GRID1: variants seen among roughly 807,000 people sequenced by gnomAD.
The protein encoded by GRID1 is glutamate receptor ionotropic, delta-1.
A neutral mutation model predicts 98.0 loss-of-function variants in GRID1; 28 were observed. The ratio of observed to expected loss-of-function variants is 0.29; its 90% CI spans 0.21 to 0.39. The LOEUF is 0.39. Among genes scored for constraint, GRID1 ranks in the 10% least tolerant of loss-of-function variants. The pLI is 1.00. For missense variants in GRID1, 1,111 were observed against 1,340.5 expected (o/e 0.83, Z 2.67); for synonymous variants, 553 against 538.5 (o/e 1.03, Z -0.37).
chr10:86,248,563 CTTTTT>C (rs200060771), intron 2 of GRID1, among the ~76,000 whole-genome samples: 59 of 121,850 alleles, frequency 4.8e-4, no homozygotes, highest in African/African-American at 1.8e-3. Context: ...CATGACAATT[CTTTTT>C]TTTTTTTTTT....
In GRID1 at chr10:85,806,136, A is replaced by C. The variant is rs527667772; in HGVS notation, c.1233+48360T>G. ...CTCAATCAAAGAAGACAAGCAATCCAATGTTTTAAATGGGCAAAAGATTTG... is the reference window on the plus strand; with the variant it reads ...CTCAATCAAAGAAGACAAGCAATCCCATGTTTTAAATGGGCAAAAGATTTG... On this transcript the variant is annotated intron_variant, in intron 8 of 15. Coordinates refer to ENST00000327946, the MANE Select transcript of GRID1 (RefSeq NM_017551.3). Among the ~76,000 whole-genome samples, 7 of 152,222 alleles carry C rather than the reference A, an allele frequency of 4.6e-5. No homozygotes were observed. In the South Asian group the frequency reaches 1.5e-3, roughly 32 times the overall value.
chr10:86,231,244 G>A (rs1486332870), intron 2 of GRID1, among the ~76,000 whole-genome samples: 1 of 152,198 alleles, frequency 6.6e-6, no homozygotes, highest in Admixed American at 6.5e-5. Flanking sequence ...TAATCTGCTG[G>A]AAATCTGAAG....
At chr10:85,796,263 C>T (rs113646880) in intron 8 of GRID1, among the ~76,000 whole-genome samples, 5,719 of 152,238 alleles carry the variant, frequency 0.038, 129 homozygotes, top group Non-Finnish European at 0.047. Flanking sequence ...TTTTGAATTT[C>T]AAAATAATCA....
chr10:86,287,423 G>T (rs1418101355), intron 2 of GRID1, among the ~76,000 whole-genome samples: 2 of 152,206 alleles, frequency 1.3e-5, no homozygotes, highest in Admixed American at 1.3e-4. Flanking sequence ...AGCAGCTGCT[G>T]CTATTGTTTT....
At chr10:86,115,756 T>C (rs1163784023) in intron 4 of GRID1, among the ~76,000 whole-genome samples, 1 of 152,232 alleles carries the variant, frequency 6.6e-6, no homozygotes, top group Admixed American at 6.5e-5. Context: ...CCATCCCAGC[T>C]GCTCCTGGCA....
intron 3 of GRID1, among the ~76,000 whole-genome samples, chr10:86,191,902 C>G (rs1453910778): frequency 6.6e-6 from 1 of 152,156 alleles, no homozygotes; most frequent in East Asian, 1.9e-4. Context: ...GGCACCCCTG[C>G]TGATCCATCC....
chr10:85,853,324 AGG>A (rs1843077757), intron 8 of GRID1, among the ~76,000 whole-genome samples: 2 of 152,198 alleles, frequency 1.3e-5, no homozygotes, highest in Non-Finnish European at 2.9e-5. Context: ...ATCAGGCTAG[AGG>A]GCTCTTTGCT....
chr10:85,708,816 G>A (rs1181712894), intron 12 of GRID1: 2 of 156,342 alleles, frequency 1.3e-5, no homozygotes, highest in Non-Finnish European at 2.8e-5. Flanking sequence ...TATTTTGGAG[G>A]ATAGACTGTG....
chr10:86,331,652 G>T (rs1276451495), intron 2 of GRID1, among the ~76,000 whole-genome samples: 1 of 152,192 alleles, frequency 6.6e-6, no homozygotes, highest in African/African-American at 2.4e-5. Context: ...AAAGAGTTCA[G>T]ACTTTGGGGT....
At chr10:85,820,077 GGTAGGCAGGCAGGCAGGCAGGA>G (rs1842753474) in intron 8 of GRID1, among the ~76,000 whole-genome samples, 1 of 107,200 alleles carries the variant, frequency 9.3e-6, no homozygotes, top group Non-Finnish European at 1.9e-5. Context: ...CAGGAAGGCA[GGTAGGCAGGCAGGCAGGCAGGA>G]AGGAAGGGAG....
At chr10:85,905,357 A>G (rs977596104) in intron 5 of GRID1, among the ~76,000 whole-genome samples, 3 of 151,970 alleles carry the variant, frequency 2.0e-5, no homozygotes, top group Non-Finnish European at 4.4e-5. Flanking sequence ...CACCAGCAGA[A>G]CTGTACTATA....
intron 8 of GRID1, among the ~76,000 whole-genome samples, chr10:85,736,645 A>C (rs943479455): frequency 5.9e-5 from 9 of 152,146 alleles, no homozygotes; most frequent in African/African-American, 2.2e-4. Flanking sequence ...ACAATAAGTC[A>C]TCTACTAGGG....
At chr10:85,861,895 G>A (rs530213182) in intron 6 of GRID1, among the ~76,000 whole-genome samples, 1 of 152,316 alleles carries the variant, frequency 6.6e-6, no homozygotes, top group South Asian at 2.1e-4. Context: ...TGGAGTTCAG[G>A]TGCCCTTATT....
chr10:85,746,162 G>A (rs528313337), intron 8 of GRID1, among the ~76,000 whole-genome samples: 14 of 152,096 alleles, frequency 9.2e-5, no homozygotes, highest in South Asian at 4.2e-4. Flanking sequence ...ACCATACTTG[G>A]GGAGATGTAT....
intron 8 of GRID1, among the ~76,000 whole-genome samples, chr10:85,846,339 C>G (rs920082633): frequency 6.6e-6 from 1 of 152,076 alleles, no homozygotes; most frequent in African/African-American, 2.4e-5. Flanking sequence ...TTGAAATCAG[C>G]GTCACCAGGA....
chr10:86,054,669 C>T lies in GRID1; in HGVS notation c.726+84150G>A, dbSNP rs187801583. ...CTTAAGTGTAATAATAACATAATAG[C>T]AGCTATCTCTTAATGTGTTTTCACT... On this transcript the variant is annotated intron_variant, in intron 4 of 15. Coordinates refer to ENST00000327946, the MANE Select transcript of GRID1 (RefSeq NM_017551.3). Among the ~76,000 whole-genome samples, 4 of 152,326 alleles carry T rather than the reference C, an allele frequency of 2.6e-5. No individual in the cohort carries two copies. The East Asian group carries it at 7.7e-4, about 29-fold the overall frequency.
At chr10:86,250,634 C>T (rs1846808174) in intron 2 of GRID1, among the ~76,000 whole-genome samples, 1 of 151,370 alleles carries the variant, frequency 6.6e-6, no homozygotes, top group African/African-American at 2.4e-5. Context: ...GCTGCCCTGT[C>T]TGGGAGGTGG....
intron 4 of GRID1, among the ~76,000 whole-genome samples, chr10:86,106,559 G>A (rs1301030852): frequency 6.6e-6 from 1 of 151,974 alleles, no homozygotes; most frequent in African/African-American, 2.4e-5. Flanking sequence ...TTCAGGTGTG[G>A]GGATAGAGGG....
At chr10:86,217,253 G>A (rs982737273) in intron 2 of GRID1, among the ~76,000 whole-genome samples, 3 of 152,180 alleles carry the variant, frequency 2.0e-5, no homozygotes, top group African/African-American at 7.2e-5. Context: ...AGGCCACTGT[G>A]GTAGCTGTGT....
Sources: gnomAD v4.1 joint callset for allele counts (sites outside exome capture counted in the v4.1 genomes callset) on GRCh38, gnomAD v4.1.1 for gene constraint, MANE v1.5 for transcripts, NCBI Gene and HGNC (gene_info 2026-07-23, HGNC 2026-07-21) for gene names.